The following ZNF44 variants were observed in gnomAD, a reference collection of about 807,000 sequenced individuals.
The protein encoded by ZNF44 is gonadotropin inducible transcription repressor-2.
A neutral mutation model predicts 11.7 loss-of-function variants in ZNF44; 9 were observed. The ratio of observed to expected loss-of-function variants is 0.77; its 90% CI spans 0.46 to 1.35. The LOEUF is 1.35. Among genes scored for constraint, ZNF44 ranks in the 40% most tolerant of loss-of-function variants. The pLI is 0.00. For synonymous variants in ZNF44, 224 were observed against 242.7 expected, an observed-to-expected ratio of 0.92 and a Z score of 0.72; for missense variants, 696 against 743.1, an observed-to-expected ratio of 0.94 and a Z score of 0.74.
In ZNF44 at chr19:12,294,807, A is replaced by G. The variant is rs1968179686; in HGVS notation, c.-113T>C. On this transcript the variant is annotated 5_prime_UTR_variant, in exon 1 of 4. Transcript: ENST00000355684. ...GGCGTCTCTCAGTGACAGAATACGG[A>G]ACAGAGGTCACCAGGGTGAAGAGGC... The G allele has an allele frequency of 7.8e-7, 1 of 1,288,000 alleles. No individual in the cohort carries two copies. The highest frequency in any genetic ancestry group is 2.7e-5 in the Admixed American group (1 of 36,584). The allele number at this position is 1,288,000 out of a possible 1,614,324, so 79.8% of individuals were successfully genotyped here. A position where few individuals can be genotyped will look rare whatever the true frequency, so the allele number is the denominator to read the frequency against.
chr19:12,234,120 G>A (rs1322109022), intron 2 of ZNF44, among the ~76,000 whole-genome samples: 1 of 151,546 alleles, frequency 6.6e-6, no homozygotes, highest in Non-Finnish European at 1.5e-5. Flanking sequence ...GGTTTTGAAC[G>A]TACATTGCTA....
downstream of ZNF44, among the ~76,000 whole-genome samples, chr19:12,245,118 A>T (rs140131057): frequency 4.6e-5 from 7 of 152,250 alleles, no homozygotes; most frequent in East Asian, 3.9e-4. Flanking sequence ...ATTTTAAAAA[A>T]TTTTTTCCTT....
At chr19:12,266,408 A>G in intron 5 of ZNF44, 6 of 929,976 alleles carry the variant, frequency 6.5e-6, no homozygotes, top group Non-Finnish European at 7.7e-6. Context: ...CGAGGGCGCC[A>G]AGGCGAGAGG....
At chr19:12,248,646 T>C in exon 8 of ZNF44, 1 of 1,310,694 alleles carries the variant, frequency 7.6e-7, no homozygotes, top group South Asian at 1.2e-5. Flanking sequence ...ACTACCTTCT[T>C]TACTTTCACA....
At chr19:12,261,968 T>C (rs1917526286) in intron 5 of ZNF44, among the ~76,000 whole-genome samples, 2 of 152,234 alleles carry the variant, frequency 1.3e-5, no homozygotes, top group South Asian at 4.1e-4. Flanking sequence ...TTTAACTTTT[T>C]TTAAACATAG....
At chr19:12,278,351 T>C (rs1379041676) in intron 1 of ZNF44, among the ~76,000 whole-genome samples, 1 of 152,224 alleles carries the variant, frequency 6.6e-6, no homozygotes, top group Admixed American at 6.5e-5. Flanking sequence ...AATATGTGGG[T>C]AAAACTCTGT....
intron 1 of ZNF44, chr19:12,237,435 C>A: frequency 6.0e-6 from 1 of 165,722 alleles, no homozygotes; most frequent in East Asian, 1.7e-4. Flanking sequence ...TCCTCCCACC[C>A]GGCCTTGCAC....
At position 12,252,060 on chromosome 19, in the gene ZNF44, A is replaced by C. The variant is rs578061865; in HGVS notation, c.1913-1692T>G. Among the ~76,000 whole-genome samples, 136 of 152,216 alleles carry C rather than the reference A, an allele frequency of 8.9e-4. 1 individual carries two copies. The highest frequency in any genetic ancestry group is 1.2e-3 in the Non-Finnish European group (84 of 68,018). ...GAGTGAAACTCCATCTCAAAAAAAA[A>C]AAAAAACAGATTTGCAATTTACAAT... On this transcript the variant is annotated intron_variant and NMD_transcript_variant, in intron 5 of 7. Transcript: ENST00000393337.
upstream of ZNF44, among the ~76,000 whole-genome samples, chr19:12,238,506 T>C (rs1490132406): frequency 2.0e-5 from 3 of 151,250 alleles, no homozygotes; most frequent in Non-Finnish European, 4.4e-5. Flanking sequence ...CACGTGCCTG[T>C]AGTCAGAGCA....
At chr19:12,251,471 A>G (rs1224199951) in intron 5 of ZNF44, among the ~76,000 whole-genome samples, 1 of 152,044 alleles carries the variant, frequency 6.6e-6, no homozygotes, top group East Asian at 1.9e-4. Context: ...TCCACCCCAG[A>G]GAAGTGTTCA....
At chr19:12,225,737 T>G (rs1261150048), downstream of ZNF44, among the ~76,000 whole-genome samples, 2 of 152,142 alleles carry the variant, frequency 1.3e-5, no homozygotes, top group African/African-American at 2.4e-5. Context: ...GTTTTAATAT[T>G]TGGCTTAAAA....
At chr19:12,255,384 C>A (rs2459045) in intron 5 of ZNF44, among the ~76,000 whole-genome samples, 9,562 of 151,416 alleles carry the variant, frequency 0.063, 1,040 homozygotes, top group African/African-American at 0.22. Context: ...ATTAAAAAAT[C>A]TAGTCAAGCT....
intron 5 of ZNF44, among the ~76,000 whole-genome samples, chr19:12,254,111 C>T (rs1917140692): frequency 6.6e-6 from 1 of 151,604 alleles, no homozygotes. Context: ...GGAACAGTCA[C>T]CAAGATAAGA....
At chr19:12,274,909 A>G (rs1967146733) in intron 3 of ZNF44, 64 bp downstream of exon 3, 2 of 1,285,668 alleles carry the variant, frequency 1.6e-6, no homozygotes, top group East Asian at 2.5e-5. Context: ...CTTCTTTTTA[A>G]AAGTTCTTGT....
chr19:12,239,746 G>A (rs892232128), upstream of ZNF44, among the ~76,000 whole-genome samples: 1 of 151,326 alleles, frequency 6.6e-6, no homozygotes, highest in African/African-American at 2.4e-5. Context: ...GCTAATTTTT[G>A]TATTTTTAGT....
At position 12,273,365 on chromosome 19, in the gene ZNF44, C is replaced by G. The variant is rs769769956; in HGVS notation, c.890G>C (p.Arg297Pro). Residue 297 changes from arginine to proline, a missense_variant, in exon 4 of 4, where the codon CGA becomes CCA. Coordinates refer to ENST00000355684, the MANE Select transcript of ZNF44 (RefSeq NM_016264.4). ...TCCAGTGTGAATTCTTTCATGTACT[C>G]GAAGGGAACCGGAAACACTGAAGGC... ...GKAFSVSGSL[R>P]VHERIHTGEK... 10 of 1,613,468 alleles carry G rather than the reference C, an allele frequency of 6.2e-6. No individual in the cohort carries two copies. The Admixed American group carries it at 8.3e-5, about 13-fold the overall frequency.
intron 1 of ZNF44, among the ~76,000 whole-genome samples, chr19:12,281,220 A>T (rs1465905857): frequency 6.6e-6 from 1 of 152,192 alleles, no homozygotes; most frequent in Non-Finnish European, 1.5e-5. Flanking sequence ...ACTTGAACAA[A>T]TTTTTTAAAG....
At chr19:12,293,470 G>T in intron 1 of ZNF44, 1 of 1,288,202 alleles carries the variant, frequency 7.8e-7, no homozygotes, top group Non-Finnish European at 1.0e-6. Context: ...GAGGCACAAA[G>T]GTTTGGTTTT....
chr19:12,282,642 C>T (rs548602844), intron 1 of ZNF44, among the ~76,000 whole-genome samples: 1 of 151,874 alleles, frequency 6.6e-6, no homozygotes, highest in Non-Finnish European at 1.5e-5. Flanking sequence ...AGGCTGGTCT[C>T]GAATTTCTGA....
Sources: gnomAD v4.1 joint callset for allele counts (sites outside exome capture counted in the v4.1 genomes callset) on GRCh38, gnomAD v4.1.1 for gene constraint, MANE v1.5 for transcripts, NCBI Gene and HGNC (gene_info 2026-07-23, HGNC 2026-07-21) for gene names.